The following CHODL variants were observed in gnomAD, a reference collection of about 807,000 sequenced individuals.
The protein encoded by CHODL is chondrolectin, also known as transmembrane protein MT75.
Under a neutral mutation model 34.5 loss-of-function variants are expected in CHODL, and 29 were observed. The ratio of observed to expected loss-of-function variants is 0.84; its 90% CI spans 0.63 to 1.15. CHODL has a LOEUF of 1.15. Among genes scored for constraint, CHODL ranks in the 50% most tolerant of loss-of-function variants. The probability of loss-of-function intolerance (pLI) is 0.00; values close to 1 mark genes in which losing one functional copy is unlikely to be tolerated. For missense variants in CHODL, 332 were observed against 332.5 expected (o/e 1.00, Z 0.01); for synonymous variants, 125 against 116.1 (o/e 1.08, Z -0.49).
rs112450791 is a variant in CHODL, at chr21:17,926,994, G to A, written c.-145+9594G>A. ...AATACACAGACACACACACACACAC[G>A]CACACACACACAGACATACACACAT... On this transcript the variant is annotated intron_variant, in intron 1 of 6. Transcript: ENST00000400127. Among the ~76,000 whole-genome samples, 11 of 149,216 alleles carry A rather than the reference G, an allele frequency of 7.4e-5. 1 individual carries two copies. In the East Asian group the frequency reaches 7.8e-4, roughly 11 times the overall value.
chr21:17,922,487 A>C (rs1041253829), intron 1 of CHODL, among the ~76,000 whole-genome samples: 12 of 152,322 alleles, frequency 7.9e-5, no homozygotes, highest in African/African-American at 2.9e-4. Flanking sequence ...GGAGACACTC[A>C]AGATGGGTTG....
At chr21:18,061,037 T>A (rs1343502755) in intron 2 of CHODL, among the ~76,000 whole-genome samples, 1 of 152,196 alleles carries the variant, frequency 6.6e-6, no homozygotes, top group Non-Finnish European at 1.5e-5. Flanking sequence ...GCCGAAGTTC[T>A]TTCAGGTACA....
intron 2 of CHODL, among the ~76,000 whole-genome samples, chr21:18,111,026 C>T (rs368408488): frequency 2.0e-5 from 3 of 152,108 alleles, no homozygotes; most frequent in East Asian, 3.9e-4. Flanking sequence ...CAAACTGGGA[C>T]AGCTTCCACA....
chr21:17,993,567 A>C (rs184159724), intron 1 of CHODL, among the ~76,000 whole-genome samples: 37 of 152,358 alleles, frequency 2.4e-4, no homozygotes, highest in African/African-American at 8.9e-4. Flanking sequence ...TTATGGTTAC[A>C]TAATATTCCA....
chr21:18,230,559 T>C (rs138178408), intron 2 of CHODL, among the ~76,000 whole-genome samples: 27 of 152,220 alleles, frequency 1.8e-4, no homozygotes, highest in African/African-American at 6.3e-4. Context: ...GTTGATACCA[T>C]ATAATATGGT....
intron 2 of CHODL, among the ~76,000 whole-genome samples, chr21:18,172,918 G>A (rs1204215408): frequency 6.6e-6 from 1 of 152,098 alleles, no homozygotes; most frequent in Non-Finnish European, 1.5e-5. Context: ...TGGAGCTGTG[G>A]TCCTCTCCCA....
At chr21:18,212,727 T>C (rs2073786663) in intron 2 of CHODL, among the ~76,000 whole-genome samples, 1 of 152,140 alleles carries the variant, frequency 6.6e-6, no homozygotes, top group Non-Finnish European at 1.5e-5. Flanking sequence ...AAATATTCAC[T>C]TGAATTGAGA....
chr21:18,180,057 G>T (rs928299968), intron 2 of CHODL, among the ~76,000 whole-genome samples: 2 of 152,134 alleles, frequency 1.3e-5, no homozygotes, highest in Non-Finnish European at 2.9e-5. Context: ...TTGTTGTAGG[G>T]ATTAAATGAG....
chr21:18,190,190 G>T (rs2073494650), intron 2 of CHODL, among the ~76,000 whole-genome samples: 1 of 152,132 alleles, frequency 6.6e-6, no homozygotes, highest in Admixed American at 6.5e-5. Flanking sequence ...CCAAGGCAAT[G>T]ATTTTTAAAA....
chr21:17,958,113 ATTTCCTGTCATTG>A (rs932925199), intron 1 of CHODL, among the ~76,000 whole-genome samples: 4 of 152,044 alleles, frequency 2.6e-5, no homozygotes, highest in Admixed American at 2.6e-4. Flanking sequence ...ATTTAGGCAC[ATTTCCTGTCATTG>A]TTTCCTTGGT....
chr21:17,933,241 T>A (rs998125161), intron 1 of CHODL, among the ~76,000 whole-genome samples: 1 of 152,180 alleles, frequency 6.6e-6, no homozygotes, highest in Non-Finnish European at 1.5e-5. Flanking sequence ...CTTCCTCTTA[T>A]ACTAATCCTC....
At chr21:17,989,951 C>T (rs536663231) in intron 1 of CHODL, among the ~76,000 whole-genome samples, 1 of 152,226 alleles carries the variant, frequency 6.6e-6, no homozygotes, top group South Asian at 2.1e-4. Context: ...CTTAACATAA[C>T]AAGAGACAGA....
At chr21:18,092,981 C>G (rs867688043) in intron 2 of CHODL, among the ~76,000 whole-genome samples, 1 of 151,932 alleles carries the variant, frequency 6.6e-6, no homozygotes, top group Non-Finnish European at 1.5e-5. Flanking sequence ...CATTCAAGTA[C>G]GAGAAGGTTA....
intron 1 of CHODL, among the ~76,000 whole-genome samples, chr21:18,015,260 T>C (rs1437253858): frequency 6.6e-6 from 1 of 152,174 alleles, no homozygotes; most frequent in Non-Finnish European, 1.5e-5. Flanking sequence ...GAGTGAGTTC[T>C]CAGGAGATCT....
intron 2 of CHODL, among the ~76,000 whole-genome samples, chr21:18,231,807 G>A (rs1358470647): frequency 6.6e-6 from 1 of 151,670 alleles, no homozygotes. Context: ...ACTGTGCTTT[G>A]TATGGGGTTA....
At chr21:18,083,107 G>A (rs1329432874) in intron 2 of CHODL, among the ~76,000 whole-genome samples, 1 of 152,146 alleles carries the variant, frequency 6.6e-6, no homozygotes, top group Non-Finnish European at 1.5e-5. Context: ...TTGTTTCATG[G>A]GCTGGGCCCA....
chr21:18,131,847 T>C (rs1190325749), intron 2 of CHODL, among the ~76,000 whole-genome samples: 2 of 152,178 alleles, frequency 1.3e-5, no homozygotes, highest in Non-Finnish European at 2.9e-5. Flanking sequence ...AAACCTTTTT[T>C]CTGCCCTTAT....
intron 2 of CHODL, among the ~76,000 whole-genome samples, chr21:18,219,125 A>G (rs987088511): frequency 6.6e-6 from 1 of 152,190 alleles, no homozygotes; most frequent in Non-Finnish European, 1.5e-5. Flanking sequence ...AATTTACTGT[A>G]TTAGTCCAAT....
At chr21:18,131,396 ACATTT>A (rs1484518266) in intron 2 of CHODL, among the ~76,000 whole-genome samples, 1 of 152,210 alleles carries the variant, frequency 6.6e-6, no homozygotes, top group Non-Finnish European at 1.5e-5. Flanking sequence ...ATTATTTGAA[ACATTT>A]CAATGTAAAT....
Sources: gnomAD v4.1 joint callset for allele counts (sites outside exome capture counted in the v4.1 genomes callset) on GRCh38, gnomAD v4.1.1 for gene constraint, MANE v1.5 for transcripts, NCBI Gene and HGNC (gene_info 2026-07-23, HGNC 2026-07-21) for gene names.